Variants in KIAA1217 observed in about 807,000 individuals in gnomAD.
KIAA1217 encodes sickle tail protein homolog.
A neutral mutation model predicts 163.9 loss-of-function variants in KIAA1217; 88 were observed. That is an observed-to-expected ratio of 0.54 (90% confidence interval 0.45 to 0.64). KIAA1217 has a LOEUF of 0.64. Ranked by LOEUF, KIAA1217 falls within the 30% of genes least tolerant of loss-of-function variation. KIAA1217 has a pLI of 0.00. For synonymous variants in KIAA1217, 903 were observed against 923.1 expected (o/e 0.98, Z 0.39); for missense variants, 2,372 against 2,475.0 (o/e 0.96, Z 0.88).
At chr10:24,039,409 G>T (rs1848532324) in intron 2 of KIAA1217, among the ~76,000 whole-genome samples, 1 of 152,140 alleles carries the variant, frequency 6.6e-6, no homozygotes, top group African/African-American at 2.4e-5. Context: ...CGATTCCCAG[G>T]CTAGTGATAT....
upstream of KIAA1217, chr10:24,208,936 A>AGGAC (rs548289537): frequency 1.7e-4 from 55 of 331,916 alleles, 1 homozygote; most frequent in African/African-American, 8.3e-4. Flanking sequence ...AGCGCGCCTG[A>AGGAC]GGACGGACGG....
chr10:23,917,813 G>A (rs1314223251), intron 1 of KIAA1217, among the ~76,000 whole-genome samples: 2 of 152,166 alleles, frequency 1.3e-5, no homozygotes, highest in Non-Finnish European at 2.9e-5. Context: ...CACTCTCAAT[G>A]CCTAAAGCTG....
intron 1 of KIAA1217, among the ~76,000 whole-genome samples, chr10:23,897,798 G>T (rs1280251921): frequency 6.6e-6 from 1 of 151,568 alleles, no homozygotes; most frequent in Non-Finnish European, 1.5e-5. Context: ...TATAAAAAAG[G>T]TTTTATATAA....
In KIAA1217 at chr10:24,405,010, G is replaced by A. The variant is rs76270319; in HGVS notation, c.553+23943G>A. On this transcript the variant is annotated intron_variant, in intron 3 of 20. Transcript: ENST00000376454. Reference sequence around the variant, plus strand: ...GAGAGAGGAGTTTGAATACAGAGGGGTAGCACTTGGGGGCCTAGTTATGAT... The same window carrying A: ...GAGAGAGGAGTTTGAATACAGAGGGATAGCACTTGGGGGCCTAGTTATGAT... Among the ~76,000 whole-genome samples the A allele has an allele frequency of 7.2e-4, 109 of 152,274 alleles. No individual in the cohort carries two copies. In the East Asian group the frequency reaches 0.02, roughly 27 times the overall value.
chr10:24,459,146 G>A (rs1255090465), intron 5 of KIAA1217, among the ~76,000 whole-genome samples: 1 of 152,194 alleles, frequency 6.6e-6, no homozygotes, highest in Non-Finnish European at 1.5e-5. Context: ...CACTGGTTGG[G>A]TCGGTAGTCT....
chr10:23,711,477 G>A (rs1837252834), intron 1 of KIAA1217, among the ~76,000 whole-genome samples: 1 of 152,180 alleles, frequency 6.6e-6, no homozygotes, highest in South Asian at 2.1e-4. Flanking sequence ...AGAAACTAGA[G>A]TCTCTTGGCA....
At chr10:24,532,191 T>C (rs1052783492) in intron 15 of KIAA1217, among the ~76,000 whole-genome samples, 198 bp downstream of exon 15, 2 of 152,234 alleles carry the variant, frequency 1.3e-5, no homozygotes, top group Non-Finnish European at 2.9e-5. Context: ...GTTTTATCCT[T>C]ATTTTACTTT....
chr10:24,357,647 G>A (rs536357499), intron 2 of KIAA1217, among the ~76,000 whole-genome samples: 5 of 152,300 alleles, frequency 3.3e-5, no homozygotes, highest in South Asian at 2.1e-4. Context: ...TTCTTGGGGG[G>A]TTCTGAGTAT....
At chr10:24,088,996 G>A (rs2061824001) in intron 2 of KIAA1217, among the ~76,000 whole-genome samples, 1 of 125,386 alleles carries the variant, frequency 8.0e-6, no homozygotes, top group South Asian at 2.6e-4. Flanking sequence ...TCTAACTAGT[G>A]TGAGATGATA....
intron 20 of KIAA1217, chr10:24,545,304 TTTTAC>T: frequency 7.1e-7 from 1 of 1,405,600 alleles, no homozygotes; most frequent in South Asian, 1.7e-5. Flanking sequence ...ATAAAACATC[TTTTAC>T]TTTGTGACTC....
At chr10:24,437,906 CAAAAAA>C (rs58645832) in intron 4 of KIAA1217, among the ~76,000 whole-genome samples, 2 of 63,686 alleles carry the variant, frequency 3.1e-5, no homozygotes, top group African/African-American at 6.7e-5. Flanking sequence ...TGTTTGAAGG[CAAAAAA>C]AAAAAAAAAA....
chr10:23,896,286 A>G (rs554420756), intron 1 of KIAA1217, among the ~76,000 whole-genome samples: 85 of 151,966 alleles, frequency 5.6e-4, no homozygotes, highest in African/African-American at 2.0e-3. Flanking sequence ...TATTGAATGC[A>G]TCTTTAGGTT....
intron 1 of KIAA1217, among the ~76,000 whole-genome samples, chr10:23,919,467 G>A (rs995767150): frequency 6.6e-6 from 1 of 151,854 alleles, no homozygotes; most frequent in African/African-American, 2.4e-5. Context: ...TTATCTGGGT[G>A]CAGTGGCATG....
intron 1 of KIAA1217, among the ~76,000 whole-genome samples, chr10:23,834,073 GT>G (rs1157394804): frequency 6.6e-6 from 1 of 152,044 alleles, no homozygotes; most frequent in Non-Finnish European, 1.5e-5. Context: ...TACTGTTGAT[GT>G]TTTTGGCTGT....
intron 1 of KIAA1217, among the ~76,000 whole-genome samples, chr10:23,824,765 T>C (rs1365836699): frequency 1.3e-5 from 2 of 148,914 alleles, no homozygotes; most frequent in East Asian, 3.9e-4. Context: ...AAAGTGAAGG[T>C]TAACTGAAGG....
At chr10:24,088,214 A>T (rs2061772264) in intron 2 of KIAA1217, among the ~76,000 whole-genome samples, 1 of 115,918 alleles carries the variant, frequency 8.6e-6, no homozygotes, top group South Asian at 2.9e-4. Flanking sequence ...CTCAAGGAAC[A>T]TCCCAAACTT....
intron 2 of KIAA1217, among the ~76,000 whole-genome samples, chr10:24,106,867 G>T (rs139313656): frequency 8.2e-4 from 125 of 152,264 alleles, no homozygotes; most frequent in African/African-American, 2.6e-3. Context: ...TGGTTGGTTG[G>T]TTGGTTGGTT....
chr10:24,212,892 A>C (rs1405934970), intron 1 of KIAA1217, among the ~76,000 whole-genome samples: 1 of 152,188 alleles, frequency 6.6e-6, no homozygotes, highest in Non-Finnish European at 1.5e-5. Flanking sequence ...GCACTCAATA[A>C]TCATTTGTTG....
chr10:24,188,111 C>T (rs1180910332), intron 2 of KIAA1217, among the ~76,000 whole-genome samples: 2 of 152,092 alleles, frequency 1.3e-5, no homozygotes, highest in African/African-American at 4.8e-5. Flanking sequence ...TCAGGAGAAT[C>T]GCTCAAGCCT....
Sources: gnomAD v4.1 joint callset for allele counts (sites outside exome capture counted in the v4.1 genomes callset) on GRCh38, gnomAD v4.1.1 for gene constraint, MANE v1.5 for transcripts, NCBI Gene and HGNC (gene_info 2026-07-23, HGNC 2026-07-21) for gene names.